Variants in CALN1 observed in about 807,000 individuals in gnomAD.
CALN1 encodes calcium-binding protein 8.
CALN1 carries 17 observed loss-of-function variants against 30.6 expected under a neutral mutation model. That is an observed-to-expected ratio of 0.56 (90% CI 0.38 to 0.83). The LOEUF (loss-of-function observed/expected upper bound fraction) is 0.83. Ranked by LOEUF, CALN1 falls within the 40% of genes least tolerant of loss-of-function variation. The probability of loss-of-function intolerance (pLI) is 0.00; values close to 1 mark genes in which losing one functional copy is unlikely to be tolerated. For synonymous variants in CALN1, 156 were observed against 131.4 expected (o/e 1.19, Z -1.28); for missense variants, 291 against 354.9 (o/e 0.82, Z 1.45).
intron 4 of CALN1, among the ~76,000 whole-genome samples, chr7:72,049,268 G>C (rs1802681184): frequency 6.6e-6 from 1 of 152,064 alleles, no homozygotes. Flanking sequence ...ATGAGAGAAA[G>C]ATAATACATG....
chr7:72,385,067 G>T (rs534564859), intron 2 of CALN1, among the ~76,000 whole-genome samples: 1 of 152,270 alleles, frequency 6.6e-6, no homozygotes, highest in Non-Finnish European at 1.5e-5. Flanking sequence ...GCTCAACAGC[G>T]CTCGTCATAG....
intron 5 of CALN1, among the ~76,000 whole-genome samples, chr7:71,819,155 A>T (rs1788445627): frequency 6.6e-6 from 1 of 151,102 alleles, no homozygotes; most frequent in South Asian, 2.1e-4. Context: ...ACTTGTTTTT[A>T]TTTATTTATT....
intron 3 of CALN1, among the ~76,000 whole-genome samples, chr7:72,214,165 T>C (rs2129548424): frequency 6.6e-6 from 1 of 152,372 alleles, no homozygotes; most frequent in African/African-American, 2.4e-5. Flanking sequence ...GACTAGTTAA[T>C]GTGCTACCTT....
chr7:72,347,786 G>A (rs1802722664), intron 2 of CALN1, among the ~76,000 whole-genome samples: 1 of 152,116 alleles, frequency 6.6e-6, no homozygotes, highest in Non-Finnish European at 1.5e-5. Flanking sequence ...ACCAATTTTT[G>A]CTTCTATGTT....
chr7:72,404,996 AC>A (rs1281988214), intron 1 of CALN1, among the ~76,000 whole-genome samples: 2 of 152,118 alleles, frequency 1.3e-5, no homozygotes, highest in African/African-American at 2.4e-5. Context: ...TGAACCAGAA[AC>A]CCCCATGGTC....
At chr7:72,114,198 TG>T (rs1215742171) in intron 3 of CALN1, among the ~76,000 whole-genome samples, 1 of 141,098 alleles carries the variant, frequency 7.1e-6, no homozygotes, top group Non-Finnish European at 1.5e-5. Flanking sequence ...TTGGTCAACA[TG>T]GTAAAACCCA....
chr7:72,363,179 C>G (rs1249241449), intron 2 of CALN1, among the ~76,000 whole-genome samples: 1 of 152,232 alleles, frequency 6.6e-6, no homozygotes, highest in African/African-American at 2.4e-5. Flanking sequence ...TCCTCCCACC[C>G]TCCACCCTCT....
At chr7:72,330,317 A>C (rs548156327) in intron 2 of CALN1, among the ~76,000 whole-genome samples, 2 of 151,838 alleles carry the variant, frequency 1.3e-5, no homozygotes, top group Non-Finnish European at 2.9e-5. Flanking sequence ...ATGACACAAA[A>C]ATTAGCTGGG....
intron 3 of CALN1, among the ~76,000 whole-genome samples, chr7:72,225,335 C>A (rs1033297186): frequency 6.6e-6 from 1 of 151,972 alleles, no homozygotes; most frequent in Non-Finnish European, 1.5e-5. Context: ...TCTGTAAGCA[C>A]CCTGCTTCGG....
chr7:72,343,845 A>G (rs532933231), intron 2 of CALN1, among the ~76,000 whole-genome samples: 1 of 152,212 alleles, frequency 6.6e-6, no homozygotes, highest in East Asian at 1.9e-4. Flanking sequence ...AACCTTTCAA[A>G]TCTAGGGCGG....
At chr7:72,165,377 G>A (rs10950301) in intron 3 of CALN1, among the ~76,000 whole-genome samples, 27,240 of 152,056 alleles carry the variant, frequency 0.18, 2,651 homozygotes, top group East Asian at 0.29. Flanking sequence ...CTGGCCAACA[G>A]GGTGAGACTG....
chr7:72,338,738 A>C (rs1035480172), intron 2 of CALN1, among the ~76,000 whole-genome samples: 3 of 152,054 alleles, frequency 2.0e-5, no homozygotes, highest in African/African-American at 4.8e-5. Context: ...ACAGGCATGC[A>C]ATGTGAAATA....
the CALN1 span, among the ~76,000 whole-genome samples, chr7:72,480,912 T>C: frequency 0.055 from 8,360 of 152,248 alleles, 282 homozygotes; most frequent in African/African-American, 0.083. Context: ...TGGTAATGTG[T>C]ATCCTGATAA....
At position 72,244,563 on chromosome 7, in the gene CALN1, T is replaced by C. The variant is rs1298840062; in HGVS notation, c.244+34123A>G. 7.4e-5 allele frequency among the ~76,000 whole-genome samples: 9 copies of C among 120,862 alleles called. No homozygotes were observed. The East Asian group carries it at 1.4e-3, about 19-fold the overall frequency. 79.3% of individuals were successfully genotyped at this position (120,862 alleles called of 152,430 possible). On this transcript the variant is annotated intron_variant, in intron 3 of 6. Transcript: ENST00000395275. ...AGTTAAAGCACAGAGAATGAATTCC[T>C]TTTTTTTTTTTTAAATCAGCTTTCT...
intron 6 of CALN1, among the ~76,000 whole-genome samples, chr7:71,794,485 T>C (rs995538875): frequency 2.0e-5 from 3 of 152,234 alleles, no homozygotes; most frequent in African/African-American, 7.2e-5. Context: ...ATCTGACTTC[T>C]TCTCCTAATT....
chr7:72,436,765 C>G (rs1284033016), intron 1 of CALN1, among the ~76,000 whole-genome samples: 1 of 152,140 alleles, frequency 6.6e-6, no homozygotes, highest in Non-Finnish European at 1.5e-5. Context: ...TCAGCATCAC[C>G]TGGGAAAGCT....
intron 5 of CALN1, among the ~76,000 whole-genome samples, chr7:71,940,937 G>A (rs879401522): frequency 6.6e-6 from 1 of 152,078 alleles, no homozygotes; most frequent in Non-Finnish European, 1.5e-5. Flanking sequence ...TAGAAGCTTA[G>A]TTTTATACAA....
intron 2 of CALN1, among the ~76,000 whole-genome samples, chr7:72,390,923 G>C (rs1391516783): frequency 6.6e-6 from 1 of 152,054 alleles, no homozygotes; most frequent in Non-Finnish European, 1.5e-5. Flanking sequence ...TAATTCACAG[G>C]CCTCACCAGA....
At chr7:72,032,145 G>A (rs1407053223) in intron 4 of CALN1, among the ~76,000 whole-genome samples, 1 of 143,064 alleles carries the variant, frequency 7.0e-6, no homozygotes, top group African/African-American at 2.6e-5. Flanking sequence ...TGCAAGCTCT[G>A]CCTCCTGGGT....
Sources: gnomAD v4.1 joint callset for allele counts (sites outside exome capture counted in the v4.1 genomes callset) on GRCh38, gnomAD v4.1.1 for gene constraint, MANE v1.5 for transcripts, NCBI Gene and HGNC (gene_info 2026-07-23, HGNC 2026-07-21) for gene names.